Variants in RARB observed in about 807,000 individuals in gnomAD.
RARB encodes the protein retinoic acid receptor beta, also known as HBV-activated protein.
A neutral mutation model predicts 51.9 loss-of-function variants in RARB; 17 were observed. The ratio of observed to expected loss-of-function variants is 0.33; its 90% CI spans 0.22 to 0.49. RARB has a LOEUF of 0.49. Ranked by LOEUF, RARB falls within the 20% of genes least tolerant of loss-of-function variation. The pLI is 0.99. For missense variants in RARB, 369 were observed against 550.8 expected (o/e 0.67, Z 3.30); for synonymous variants, 215 against 195.4 (o/e 1.10, Z -0.84).
intron 2 of RARB, among the ~76,000 whole-genome samples, chr3:25,044,177 A>G (rs1234918543): frequency 6.6e-6 from 1 of 152,154 alleles, no homozygotes; most frequent in Non-Finnish European, 1.5e-5. Context: ...TTTTTTGAAC[A>G]AAATTATGTT....
chr3:25,302,056 G>C (rs1397125637), intron 5 of RARB, among the ~76,000 whole-genome samples: 1 of 152,164 alleles, frequency 6.6e-6, no homozygotes, highest in African/African-American at 2.4e-5. Context: ...ATAAATAAAA[G>C]TGAGTCATAA....
At chr3:25,375,086 A>G (rs1323460067) in intron 5 of RARB, among the ~76,000 whole-genome samples, 1 of 152,306 alleles carries the variant, frequency 6.6e-6, no homozygotes, top group East Asian at 1.9e-4. Flanking sequence ...ATGAAAAATC[A>G]TTACTCCACG....
At chr3:25,036,825 C>G (rs1350807992) in intron 2 of RARB, among the ~76,000 whole-genome samples, 2 of 152,190 alleles carry the variant, frequency 1.3e-5, no homozygotes, top group Non-Finnish European at 2.9e-5. Flanking sequence ...GAGGGGGGAT[C>G]TGGCCAGATT....
At chr3:25,205,514 G>C (rs536094999) in intron 5 of RARB, among the ~76,000 whole-genome samples, 1 of 152,036 alleles carries the variant, frequency 6.6e-6, no homozygotes, top group Non-Finnish European at 1.5e-5. Flanking sequence ...CTTCTGCGTT[G>C]CTCACTCTGG....
At chr3:25,241,742 T>C (rs148121266) in intron 5 of RARB, among the ~76,000 whole-genome samples, 13,224 of 152,274 alleles carry the variant, frequency 0.087, 750 homozygotes, top group Non-Finnish European at 0.13. Flanking sequence ...TGGTTCCAAG[T>C]CTTTGCTATT....
intron 3 of RARB, among the ~76,000 whole-genome samples, chr3:25,077,890 T>C (rs78570137): frequency 2.3e-3 from 352 of 152,326 alleles, no homozygotes; most frequent in African/African-American, 7.7e-3. Context: ...ATGTTTTTGG[T>C]ATAAAGCAGT....
Position 25,101,019 on chromosome 3 carries a change from A to G in RARB, c.-327-31142A>G, listed in dbSNP as rs190638909. ...TAGAGTTAATTTACCTTGCACAGGT[A>G]ACATTTAAGGGGTAGTTGGAGGTGA... On this transcript the variant is annotated intron_variant, in intron 3 of 11. Coordinates refer to the RARB transcript ENST00000383772. Among the ~76,000 whole-genome samples the G allele has an allele frequency of 1.7e-3, 259 of 152,328 alleles. 1 individual carries two copies. Among genetic ancestry groups the G allele is most frequent in the African/African-American group, 6.0e-3 (249 of 41,584 alleles).
intron 3 of RARB, among the ~76,000 whole-genome samples, chr3:25,511,894 G>C (rs912198581): frequency 1.3e-5 from 2 of 152,210 alleles, no homozygotes; most frequent in African/African-American, 4.8e-5. Context: ...GGGTGGATCT[G>C]TCACAGTGGA....
intron 2 of RARB, among the ~76,000 whole-genome samples, chr3:25,500,454 G>GTTTTTT (rs753321842): frequency 1.5e-5 from 1 of 66,142 alleles, no homozygotes; most frequent in Non-Finnish European, 2.9e-5. Context: ...TTCTTTTCTT[G>GTTTTTT]TTTTTTTTTT....
intron 2 of RARB, among the ~76,000 whole-genome samples, chr3:24,981,996 G>A (rs1423196545): frequency 2.0e-5 from 3 of 152,212 alleles, no homozygotes; most frequent in Non-Finnish European, 4.4e-5. Context: ...AGACAAAAGG[G>A]AAACCTGGGG....
At chr3:25,187,053 T>C (rs541444467) in intron 5 of RARB, among the ~76,000 whole-genome samples, 1 of 152,048 alleles carries the variant, frequency 6.6e-6, no homozygotes, top group East Asian at 1.9e-4. Context: ...CCAGTTTGCT[T>C]AGATTCTTGT....
chr3:25,594,042 T>G (rs1368197870), intron 6 of RARB, among the ~76,000 whole-genome samples: 1 of 152,188 alleles, frequency 6.6e-6, no homozygotes. Flanking sequence ...CTGTTTGTTA[T>G]CTAGTGGGTA....
intron 2 of RARB, among the ~76,000 whole-genome samples, chr3:24,933,647 C>G (rs2125395217): frequency 1.3e-5 from 2 of 152,146 alleles, no homozygotes; most frequent in South Asian, 4.1e-4. Context: ...TTACAGCACT[C>G]AGAGAAAGAA....
At chr3:25,059,077 C>G (rs1183835228) in intron 2 of RARB, among the ~76,000 whole-genome samples, 5 of 148,326 alleles carry the variant, frequency 3.4e-5, no homozygotes, top group Non-Finnish European at 7.4e-5. Flanking sequence ...TACAAGAAAT[C>G]TAACTATACA....
intron 5 of RARB, among the ~76,000 whole-genome samples, chr3:25,286,421 T>C (rs1016704613): frequency 7.2e-5 from 11 of 152,144 alleles, no homozygotes; most frequent in African/African-American, 2.7e-4. Context: ...CTCTCTTGAA[T>C]ATGTTATTTT....
chr3:25,066,130 T>G (rs1407578859), intron 3 of RARB, among the ~76,000 whole-genome samples: 1 of 152,186 alleles, frequency 6.6e-6, no homozygotes, highest in Non-Finnish European at 1.5e-5. Flanking sequence ...TGCCCTTTCA[T>G]TTTAATGTGA....
intron 3 of RARB, among the ~76,000 whole-genome samples, chr3:25,533,592 A>G (rs1699014966): frequency 1.3e-5 from 2 of 152,162 alleles, no homozygotes; most frequent in African/African-American, 4.8e-5. Flanking sequence ...CAGCCAGTAG[A>G]GTAAGTACTT....
intron 3 of RARB, among the ~76,000 whole-genome samples, chr3:25,082,893 T>A (rs7430038): frequency 6.0e-4 from 91 of 152,050 alleles, no homozygotes; most frequent in Middle Eastern, 3.4e-3. Context: ...CTCTGAAAAC[T>A]TCTTAATATC....
chr3:24,908,671 T>TG (rs1473764681), intron 2 of RARB, among the ~76,000 whole-genome samples: 2 of 145,768 alleles, frequency 1.4e-5, no homozygotes, highest in Admixed American at 6.9e-5. Flanking sequence ...CTGTTTTTTT[T>TG]TTTTTTTTTT....
Sources: allele counts gnomAD v4.1 joint callset (sites outside exome capture counted in the v4.1 genomes callset), GRCh38; gene constraint gnomAD v4.1.1; transcripts MANE v1.5; gene names NCBI Gene and HGNC (gene_info 2026-07-23, HGNC 2026-07-21).